Variants in GREB1 observed in about 807,000 individuals in gnomAD.
GREB1 encodes the protein growth regulating estrogen receptor binding 1.
In GREB1, 106 loss-of-function variants were observed where a neutral mutation model predicts 200.7. The ratio of observed to expected loss-of-function variants is 0.53; its 90% confidence interval spans 0.45 to 0.62. The LOEUF is 0.62. GREB1 is among the 20% of genes least tolerant of loss of function. GREB1 has a pLI of 0.00. For missense variants in GREB1, 2,243 were observed against 2,556.8 expected, an observed-to-expected ratio of 0.88 and a Z score of 2.65; for synonymous variants, 1,132 against 1,092.4, an observed-to-expected ratio of 1.04 and a Z score of -0.72.
chr2:11,635,486 G>GA, intron 30 of GREB1, 81 bp downstream of exon 30: 1 of 1,489,870 alleles, frequency 6.7e-7, no homozygotes, highest in South Asian at 1.3e-5. Context: ...AGGAGCCATT[G>GA]AGGGAGGCCA....
At chr2:11,504,955 T>C (rs1169805264) in intron 1 of GREB1, among the ~76,000 whole-genome samples, 1 of 152,172 alleles carries the variant, frequency 6.6e-6, no homozygotes, top group African/African-American at 2.4e-5. Flanking sequence ...TTTTTTGAGA[T>C]AGAGTCTTGC....
At chr2:11,540,468 G>A (rs1674645927) in intron 1 of GREB1, 1 of 152,756 alleles carries the variant, frequency 6.5e-6, no homozygotes, top group African/African-American at 2.4e-5. Flanking sequence ...CTTCCATTCA[G>A]TTCTTACTGC....
At chr2:11,578,208 C>T in intron 5 of GREB1, 89 bp from the exon 6 acceptor site, 1 of 1,423,180 alleles carries the variant, frequency 7.0e-7, no homozygotes, top group South Asian at 1.3e-5. Flanking sequence ...AGCTCACTGT[C>T]CTGTAGGACA....
At chr2:11,614,785 G>T (rs190539447) in intron 19 of GREB1, among the ~76,000 whole-genome samples, 2 of 152,090 alleles carry the variant, frequency 1.3e-5, no homozygotes, top group African/African-American at 2.4e-5. Flanking sequence ...GGATGGTCTC[G>T]ATCTCCTGAC....
chr2:11,558,672 A>C (rs1676678181), intron 2 of GREB1, among the ~76,000 whole-genome samples: 1 of 152,132 alleles, frequency 6.6e-6, no homozygotes, highest in African/African-American at 2.4e-5. Flanking sequence ...TAAACCAAGC[A>C]CTCAGCTAGA....
chr2:11,523,423 A>G (rs1028972745), intron 1 of GREB1, among the ~76,000 whole-genome samples: 3 of 152,146 alleles, frequency 2.0e-5, no homozygotes, highest in African/African-American at 7.2e-5. Flanking sequence ...AGTGGATTCT[A>G]TGTTTTAATG....
chr2:11,530,081 A>G (rs1674013905), upstream of GREB1, among the ~76,000 whole-genome samples: 1 of 151,984 alleles, frequency 6.6e-6, no homozygotes, highest in African/African-American at 2.4e-5. Context: ...TTTCTGAGAC[A>G]GAGTCTCACT....
intron 23 of GREB1, among the ~76,000 whole-genome samples, chr2:11,622,446 T>G (rs1684088944): frequency 6.6e-6 from 1 of 152,228 alleles, no homozygotes. Flanking sequence ...TCTGCCCATG[T>G]GTGTACTATA....
rs114904581 is a variant in GREB1 at position 11,583,381 on chromosome 2, A to C, written c.902-1780A>C. Among the ~76,000 whole-genome samples, 1,448 of 152,374 alleles carry C rather than the reference A, an allele frequency of 9.5e-3. 25 individuals are homozygous for C. The highest frequency in any genetic ancestry group is 0.033 in the African/African-American group (1,361 of 41,588). On this transcript the variant is annotated intron_variant, in intron 7 of 32. Coordinates refer to ENST00000381486, the MANE Select transcript of GREB1 (RefSeq NM_014668.4). ...TGCAAACAGGAAGGAGGAAAGCAGC[A>C]GCTGCGTCAGTGGTTGTTGGGAGGG...
At chr2:11,520,472 G>T (rs994875192) in intron 1 of GREB1, among the ~76,000 whole-genome samples, 2 of 152,140 alleles carry the variant, frequency 1.3e-5, no homozygotes, top group Non-Finnish European at 2.9e-5. Flanking sequence ...TTCCCTGTAG[G>T]GAAGGCCTAT....
At position 11,492,673 on chromosome 2, in the gene GREB1, G is replaced by A. The variant is rs1489212280; in HGVS notation, c.-159+10292G>A. ...GAATCAATGTAAGGGAAGAGAAAAG[G>A]GTAAAAGTTTGTTTTGAGGAAAACA... On this transcript the variant is annotated intron_variant, in intron 1 of 2. Coordinates refer to the GREB1 transcript ENST00000628795. This position sits in a 1 kb window ranked among gnomAD's most constrained non-coding sequence, Gnocchi z 4.0. 6.6e-6 allele frequency among the ~76,000 whole-genome samples: 1 copy of A among 152,188 alleles called. No individual in the cohort carries two copies. Among genetic ancestry groups the A allele is most frequent in the African/African-American group, 2.4e-5 (1 of 41,430 alleles).
rs936977847 is a variant in GREB1 at position 11,619,359 on chromosome 2, A to G, written c.4044+440A>G. Among the ~76,000 whole-genome samples, 4 of 151,792 alleles carry G rather than the reference A, an allele frequency of 2.6e-5. No individual in the cohort carries two copies. The South Asian group carries it at 6.3e-4, about 24-fold the overall frequency. On this transcript the variant is annotated intron_variant, in intron 22 of 32. Transcript: ENST00000381486. ...TTCCTTAACAACAAAAGTCCATTTC[A>G]CCTCTCAATGGCAGAATCTCCTGTG...
At chr2:11,623,558 G>A (rs1275949172) in intron 23 of GREB1, among the ~76,000 whole-genome samples, 5 of 152,124 alleles carry the variant, frequency 3.3e-5, no homozygotes, top group African/African-American at 1.2e-4. Context: ...GTAAAGGCTG[G>A]GCGAGTGTGT....
rs370293786 is a variant in GREB1, at chr2:11,632,950, G to T, written c.4878G>T (p.Arg1626=). The change falls in exon 28 of 33, where the codon CGG becomes CGT. Residue 1626 remains arginine, a synonymous_variant. Coordinates refer to ENST00000381486, the MANE Select transcript of GREB1 (RefSeq NM_014668.4). Reference sequence around the variant, plus strand: ...ATAACCTGGAGCTCGAGCGGAACCGGCAGGAGGAGCTGGGAATCAAGCCGC... The same window carrying T: ...ATAACCTGGAGCTCGAGCGGAACCGTCAGGAGGAGCTGGGAATCAAGCCGC... ...SYHNLELERN[R]QEELGIKPQD... The T allele has an allele frequency of 2.8e-5, 45 of 1,614,062 alleles. No individual in the cohort carries two copies. The highest frequency in any genetic ancestry group is 4.0e-5 in the African/African-American group (3 of 74,916).
intron 2 of GREB1, among the ~76,000 whole-genome samples, chr2:11,560,951 C>T (rs900010761): frequency 6.6e-6 from 1 of 152,178 alleles, no homozygotes; most frequent in African/African-American, 2.4e-5. Context: ...TCTGTGTACC[C>T]AGAGCCACTG....
intron 11 of GREB1, among the ~76,000 whole-genome samples, chr2:11,594,993 C>CTTTTTTTTTTTTTTT (rs371356681): frequency 1.4e-5 from 2 of 143,270 alleles, no homozygotes; most frequent in African/African-American, 2.6e-5. Flanking sequence ...TGTGCCTGGC[C>CTTTTTTTTTTTTTTT]TTTTTTTTTT....
At chr2:11,636,959 G>T (rs1429342533) in intron 30 of GREB1, among the ~76,000 whole-genome samples, 10 of 145,464 alleles carry the variant, frequency 6.9e-5, no homozygotes, top group African/African-American at 2.3e-4. Flanking sequence ...GACAGAGGCA[G>T]GGGCAGGGAC....
Position 11,639,994 on chromosome 2 carries a change from G to A in GREB1, c.5687-297G>A, listed in dbSNP as rs568780529. On this transcript the variant is annotated intron_variant, in intron 32 of 32. Transcript: ENST00000381486. ...TGAGCTACCGGCTGGGGCTGAGGAT[G>A]CTTGGTTTGCGATTCCACCAGCCTC... is the stretch of plus-strand genomic sequence containing the variant. 5.3e-5 allele frequency among the ~76,000 whole-genome samples: 8 copies of A among 152,234 alleles called. 1 individual carries two copies. In the South Asian group the frequency reaches 1.7e-3, roughly 32 times the overall value.
chr2:11,542,058 G>A (rs1403341974), intron 1 of GREB1, among the ~76,000 whole-genome samples: 1 of 151,320 alleles, frequency 6.6e-6, no homozygotes, highest in Admixed American at 6.6e-5. Context: ...GCATTACACT[G>A]CTGACCTGCA....
Sources: allele counts gnomAD v4.1 joint callset (sites outside exome capture counted in the v4.1 genomes callset), GRCh38; gene constraint gnomAD v4.1.1; non-coding constraint Gnocchi (gnomAD v3.1); transcripts MANE v1.5; gene names NCBI Gene and HGNC (gene_info 2026-07-23, HGNC 2026-07-21).